ATAD3B: variants seen among roughly 807,000 people sequenced by gnomAD.
The protein encoded by ATAD3B is ATPase family AAA domain-containing protein 3B.
A neutral mutation model predicts 70.2 loss-of-function variants in ATAD3B; 59 were observed. The observed-to-expected ratio is 0.84, with a 90% CI of 0.68 to 1.04. The LOEUF is 1.04. Ranked by LOEUF, ATAD3B falls within the 50% of genes least tolerant of loss-of-function variation. The probability of loss-of-function intolerance (pLI) is 0.00; values close to 1 mark genes in which losing one functional copy is unlikely to be tolerated. For missense variants in ATAD3B, 961 were observed against 913.4 expected (o/e 1.05, Z -0.67); for synonymous variants, 423 against 388.6 (o/e 1.09, Z -1.04).
chr1:1,485,733 C>T (rs376506461), intron 8 of ATAD3B, 49 bp from the exon 9 acceptor site: 22 of 1,609,784 alleles, frequency 1.4e-5, no homozygotes, highest in African/African-American at 1.2e-4. Context: ...GTGGCTGTTC[C>T]GTGGCTGTGG....
chr1:1,500,188 G>A (rs191535434), downstream of ATAD3B, among the ~76,000 whole-genome samples: 1,535 of 145,160 alleles, frequency 0.011, 16 homozygotes, highest in Admixed American at 0.032. Context: ...GTGAGCCACC[G>A]CACCCGGCCT....
At chr1:1,487,937 C>G (rs1022478628) in intron 12 of ATAD3B, 23 bp downstream of exon 12, 1 of 1,612,578 alleles carries the variant, frequency 6.2e-7, no homozygotes, top group Non-Finnish European at 8.5e-7. Context: ...AAGCCTCTGT[C>G]TGGCCACAGG....
intron 7 of ATAD3B, chr1:1,484,694 A>G (rs1640105555): frequency 2.5e-6 from 1 of 404,288 alleles, no homozygotes; most frequent in Non-Finnish European, 4.3e-6. Context: ...TTAGTGGCCA[A>G]GGATGTACCA....
downstream of ATAD3B, among the ~76,000 whole-genome samples, chr1:1,501,087 ACT>A (rs1443783891): frequency 6.6e-6 from 1 of 151,680 alleles, no homozygotes; most frequent in African/African-American, 2.4e-5. Flanking sequence ...AACTTTATTA[ACT>A]CTATTTTTTT....
At chr1:1,491,747 A>G (rs1231622457) in intron 15 of ATAD3B, among the ~76,000 whole-genome samples, 1 of 151,936 alleles carries the variant, frequency 6.6e-6, no homozygotes, top group African/African-American at 2.4e-5. Flanking sequence ...GAGCCGGGGT[A>G]TGTAGGGAGC....
Position 1,486,618 on chromosome 1 carries a change from C to T in ATAD3B, c.1164C>T (p.Gly388=), listed in dbSNP as rs543613252. ...GGDVAPMGRE[G]VTAMHKLFDW... is the part of the protein sequence containing the mutation. The stretch of plus-strand genomic sequence containing the variant: ...ACGTGGCCCCCATGGGGCGGGAAGG[C>T]GTGACCGCCATGCACAAGCTCTTTG... The change falls in exon 11 of 16, where the codon GGC becomes GGT. Residue 388 remains glycine, a synonymous_variant. Transcript: ENST00000673477. The T allele has an allele frequency of 1.1e-5, 18 of 1,610,890 alleles. No homozygotes were observed. Among genetic ancestry groups the T allele is most frequent in the East Asian group, 1.1e-4 (5 of 44,834 alleles).
chr1:1,489,266 C>G lies in ATAD3B; in HGVS notation c.1329C>G (p.His443Gln), dbSNP rs367982858. 2 of 1,613,580 alleles carry G rather than the reference C, an allele frequency of 1.2e-6. No individual in the cohort carries two copies. The highest frequency in any genetic ancestry group is 2.2e-5 in the East Asian group (1 of 44,882). ...LNAFLYHMGQ[H>Q]SNKFMLVLAS... ...CCTTCCTGTACCACATGGGCCAACACAGCAACAAGTGAGGGAGCCCCTCGG... is the reference window on the plus strand; with the variant it reads ...CCTTCCTGTACCACATGGGCCAACAGAGCAACAAGTGAGGGAGCCCCTCGG... Residue 443 changes from histidine (H) to glutamine (Q), a missense_variant, in exon 13 of 16, where the codon CAC becomes CAG. By Grantham distance (24) the His-to-Gln change is conservative. Transcript: ENST00000673477.
rs191367206 is a variant in ATAD3B, at chr1:1,485,968, T to A, written c.963+130T>A. 1.1e-5 allele frequency: 18 copies of A among 1,591,840 alleles called. No individual in the cohort carries two copies. The African/African-American group carries it at 1.3e-4, about 12-fold the overall frequency. On this transcript the variant is annotated intron_variant, in intron 9 of 15. Coordinates refer to ENST00000673477, the MANE Select transcript of ATAD3B (RefSeq NM_031921.6). ...GGTCCTGAGATGCAACTGCTTGGAC[T>A]GTGCCGGGGATAGATAGGCTGCCCA... is the stretch of plus-strand genomic sequence containing the variant.
chr1:1,492,749 A>C (rs149878007), intron 15 of ATAD3B, among the ~76,000 whole-genome samples: 8,269 of 151,740 alleles, frequency 0.054, 591 homozygotes, highest in African/African-American at 0.16. Flanking sequence ...ACCAGCCTGG[A>C]CAACATGGTG....
At chr1:1,484,276 G>T (rs1292348799) in intron 7 of ATAD3B, 1 of 151,878 alleles carries the variant, frequency 6.6e-6, no homozygotes, top group Non-Finnish European at 1.5e-5. Context: ...CGCCTCTTGG[G>T]TTCACACCAT....
Position 1,497,374 on chromosome 1 carries a change from G to A in ATAD3B, c.*1557G>A, listed in dbSNP as rs1186255845. On this transcript the variant is annotated 3_prime_UTR_variant, in exon 16 of 16. Transcript: ENST00000673477. ...TACTAGGCCCTAATTAGCCCCAGAG[G>A]CGTGCACCACCACGCCCGCTAATGC... 98 of 147,934 alleles carry A rather than the reference G, an allele frequency of 6.6e-4. No homozygotes were observed. Among genetic ancestry groups the A allele is most frequent in the African/African-American group, 2.3e-3 (90 of 39,504 alleles). The allele number at this position is 147,934 out of a possible 1,614,324, so 9.2% of individuals were successfully genotyped here.
At chr1:1,480,298 G>T (rs894019410) in intron 4 of ATAD3B, among the ~76,000 whole-genome samples, 1 of 144,768 alleles carries the variant, frequency 6.9e-6, no homozygotes, top group South Asian at 2.2e-4. Flanking sequence ...CCTTGTGTGG[G>T]TTCCACAGCA....
the ATAD3B span, chr1:1,503,277 C>G: frequency 6.8e-4 from 217 of 319,070 alleles, no homozygotes; most frequent in African/African-American, 4.3e-3. Context: ...GGACACTTTA[C>G]CCATCGCCTG....
At chr1:1,485,717 G>T (rs560941918) in intron 8 of ATAD3B, 65 bp from the exon 9 acceptor site, 15 of 1,603,888 alleles carry the variant, frequency 9.4e-6, no homozygotes, top group South Asian at 1.1e-5. Flanking sequence ...GCATGTGTGT[G>T]CGTTGGTGGC....
the ATAD3B span, among the ~76,000 whole-genome samples, chr1:1,508,209 C>T: frequency 6.6e-6 from 1 of 151,036 alleles, no homozygotes; most frequent in Non-Finnish European, 1.5e-5. Context: ...CGGCTCCAGT[C>T]AGTGTCTCCT....
At chr1:1,489,514 G>C in intron 13 of ATAD3B, 1 of 976,074 alleles carries the variant, frequency 1.0e-6, no homozygotes, top group Non-Finnish European at 1.5e-6. Context: ...GTGCGCCGCC[G>C]CCCCAGCTTG....
Position 1,493,107 on chromosome 1 carries a change from T to G in ATAD3B, c.1615-2378T>G, listed in dbSNP as rs539572101. Among the ~76,000 whole-genome samples the G allele has an allele frequency of 9.9e-5, 15 of 152,072 alleles. 1 individual carries two copies. The highest frequency in any genetic ancestry group is 3.6e-4 in the African/African-American group (15 of 41,520). On this transcript the variant is annotated intron_variant, in intron 15 of 15. Coordinates refer to ENST00000673477, the MANE Select transcript of ATAD3B (RefSeq NM_031921.6). The stretch of plus-strand genomic sequence containing the variant: ...GTCTGGGCGACAGAGCGAAACTGTC[T>G]CAAAATATAAATGATAACAGTAATA...
intron 15 of ATAD3B, among the ~76,000 whole-genome samples, chr1:1,494,454 T>C (rs1640679065): frequency 6.8e-6 from 1 of 147,030 alleles, no homozygotes; most frequent in Admixed American, 6.7e-5. Context: ...CAGTGTCTCC[T>C]GCGCTCCCGG....
chr1:1,485,178 G>C lies in ATAD3B; in HGVS notation c.906+7G>C. On this transcript the variant is annotated splice_region_variant and intron_variant, in intron 8 of 15. Coordinates refer to ENST00000673477, the MANE Select transcript of ATAD3B (RefSeq NM_031921.6). ...GCTGCGGCACCCCATCCAGGTAGCGGCGCAGGCCTGGCCCTCCCTGAGTGC... is the reference window on the plus strand; with the variant it reads ...GCTGCGGCACCCCATCCAGGTAGCGCCGCAGGCCTGGCCCTCCCTGAGTGC... 6.2e-7 allele frequency: 1 copy of C among 1,609,770 alleles called. No individual in the cohort carries two copies. Among genetic ancestry groups the C allele is most frequent in the Non-Finnish European group, 8.5e-7 (1 of 1,179,282 alleles).
Sources: gnomAD v4.1 joint callset for allele counts (sites outside exome capture counted in the v4.1 genomes callset) on GRCh38, gnomAD v4.1.1 for gene constraint, MANE v1.5 for transcripts, NCBI Gene and HGNC (gene_info 2026-07-23, HGNC 2026-07-21) for gene names.